STXBP5L: variants seen among roughly 807,000 people sequenced by gnomAD.
The protein encoded by STXBP5L is syntaxin binding protein 5L.
A neutral mutation model predicts 144.5 loss-of-function variants in STXBP5L; 65 were observed. The observed-to-expected ratio is 0.45, with a 90% CI of 0.37 to 0.55. The LOEUF (loss-of-function observed/expected upper bound fraction) is 0.55, where lower values mean the gene tolerates loss of function less well. Among genes scored for constraint, STXBP5L ranks in the 20% least tolerant of loss-of-function variants. STXBP5L has a pLI of 0.00. For missense variants in STXBP5L, 1,298 were observed against 1,405.5 expected, an observed-to-expected ratio of 0.92 and a Z score of 1.22; for synonymous variants, 505 against 469.6, an observed-to-expected ratio of 1.08 and a Z score of -0.97.
At position 121,391,687 on chromosome 3, in the gene STXBP5L, C is replaced by T. The variant is rs552050725; in HGVS notation, c.2587+10155C>T. On this transcript the variant is annotated intron_variant, in intron 22 of 26. Transcript: ENST00000471454. ...AGTTTGCTGGAGGCCCACTCCAGACCCTGTTTGCCTTGGTATCACCAGCAG... is the reference window on the plus strand; with the variant it reads ...AGTTTGCTGGAGGCCCACTCCAGACTCTGTTTGCCTTGGTATCACCAGCAG... Among the ~76,000 whole-genome samples the T allele has an allele frequency of 5.3e-4, 81 of 152,290 alleles. 1 individual carries two copies. The highest frequency in any genetic ancestry group is 1.9e-3 in the African/African-American group (78 of 41,556).
chr3:121,009,459 T>C (rs971825567), intron 3 of STXBP5L, among the ~76,000 whole-genome samples: 4 of 152,122 alleles, frequency 2.6e-5, no homozygotes, highest in South Asian at 2.1e-4. Context: ...GCTTGGATCC[T>C]TGCTCAGTGG....
intron 5 of STXBP5L, among the ~76,000 whole-genome samples, chr3:121,103,310 T>A (rs887014029): frequency 6.6e-6 from 1 of 152,084 alleles, no homozygotes; most frequent in Non-Finnish European, 1.5e-5. Context: ...TGACAGTGGA[T>A]TGGAGGAAGA....
chr3:121,298,853 T>A (rs182952985), intron 19 of STXBP5L, among the ~76,000 whole-genome samples: 1 of 152,228 alleles, frequency 6.6e-6, no homozygotes, highest in African/African-American at 2.4e-5. Context: ...AGTGTGAATA[T>A]GGTAAACAGT....
At chr3:120,970,812 T>G (rs1940161615) in intron 3 of STXBP5L, among the ~76,000 whole-genome samples, 1 of 152,142 alleles carries the variant, frequency 6.6e-6, no homozygotes, top group Non-Finnish European at 1.5e-5. Context: ...TTTTTTCCAT[T>G]CTAGGGGAAC....
Position 120,969,282 on chromosome 3 carries a change from C to T in STXBP5L, c.287+14245C>T, listed in dbSNP as rs1939962190. On this transcript the variant is annotated intron_variant, in intron 3 of 26. Coordinates refer to ENST00000471454, the MANE Select transcript of STXBP5L (RefSeq NM_001308330.2). ...CTCATCATGGTTTTAATTTGCATTT[C>T]CCTGATAATTAGTGATGTTGAGTGT... Among the ~76,000 whole-genome samples the T allele has an allele frequency of 2.0e-5, 3 of 151,626 alleles. No individual in the cohort carries two copies. The South Asian group carries it at 6.2e-4, about 31-fold the overall frequency.
intron 18 of STXBP5L, among the ~76,000 whole-genome samples, chr3:121,265,928 G>A (rs999893871): frequency 1.3e-5 from 2 of 152,030 alleles, no homozygotes; most frequent in Non-Finnish European, 2.9e-5. Flanking sequence ...ACTAAACCAG[G>A]AAAAAGTCAA....
At chr3:121,272,880 A>G (rs1191937489) in intron 18 of STXBP5L, among the ~76,000 whole-genome samples, 2 of 152,102 alleles carry the variant, frequency 1.3e-5, no homozygotes, top group Non-Finnish European at 2.9e-5. Flanking sequence ...AATTTCATTC[A>G]AAATCTCTAC....
intron 3 of STXBP5L, among the ~76,000 whole-genome samples, chr3:121,028,714 C>G (rs1367009538): frequency 6.6e-6 from 1 of 151,906 alleles, no homozygotes; most frequent in African/African-American, 2.4e-5. Context: ...GAAAACCTAC[C>G]AATAATTTAA....
intron 5 of STXBP5L, among the ~76,000 whole-genome samples, chr3:121,078,442 C>A (rs1427567388): frequency 2.4e-4 from 36 of 152,276 alleles, no homozygotes; most frequent in Non-Finnish European, 1.9e-4. Flanking sequence ...CAAGTTCCCA[C>A]CAGGCTGAGG....
At chr3:121,124,124 A>G (rs954784733) in intron 7 of STXBP5L, among the ~76,000 whole-genome samples, 1 of 151,866 alleles carries the variant, frequency 6.6e-6, no homozygotes, top group African/African-American at 2.4e-5. Context: ...CACCTCACTC[A>G]TATATCAAGT....
At chr3:121,214,611 G>C (rs1449272977) in intron 10 of STXBP5L, among the ~76,000 whole-genome samples, 1 of 152,140 alleles carries the variant, frequency 6.6e-6, no homozygotes, top group Admixed American at 6.6e-5. Flanking sequence ...GCTGGGGAAT[G>C]TTTTACTTCC....
chr3:121,247,441 A>T, intron 14 of STXBP5L, among the ~76,000 whole-genome samples: 1 of 152,204 alleles, frequency 6.6e-6, no homozygotes, highest in East Asian at 1.9e-4. Context: ...ATAATACCCA[A>T]TAGGTAGTTT....
At chr3:120,957,462 A>AT (rs1208251211) in intron 3 of STXBP5L, among the ~76,000 whole-genome samples, 14 of 151,886 alleles carry the variant, frequency 9.2e-5, no homozygotes, top group African/African-American at 3.4e-4. Flanking sequence ...TTTGTTGAGG[A>AT]TTTTTGCATC....
At chr3:121,170,213 T>C (rs1201673862) in intron 9 of STXBP5L, among the ~76,000 whole-genome samples, 1 of 152,184 alleles carries the variant, frequency 6.6e-6, no homozygotes, top group Non-Finnish European at 1.5e-5. Context: ...GAGGGAAATT[T>C]ATAGCACTAA....
chr3:121,087,054 A>G (rs1186225451), intron 5 of STXBP5L, among the ~76,000 whole-genome samples: 2 of 152,082 alleles, frequency 1.3e-5, no homozygotes, highest in African/African-American at 2.4e-5. Context: ...AATATTTTAT[A>G]TAACTTGAGT....
intron 2 of STXBP5L, among the ~76,000 whole-genome samples, chr3:120,946,855 G>A (rs545960746): frequency 6.6e-6 from 1 of 151,588 alleles, no homozygotes; most frequent in Admixed American, 6.6e-5. Flanking sequence ...TAGAGGGGAA[G>A]CAAAAGTCAT....
chr3:121,079,932 C>T (rs1423550770), intron 5 of STXBP5L, among the ~76,000 whole-genome samples: 2 of 152,030 alleles, frequency 1.3e-5, no homozygotes, highest in African/African-American at 4.8e-5. Context: ...TTGAAGTGCC[C>T]CACTATTATT....
At chr3:120,911,031 A>G (rs1708807101) in intron 2 of STXBP5L, among the ~76,000 whole-genome samples, 1 of 152,140 alleles carries the variant, frequency 6.6e-6, no homozygotes, top group South Asian at 2.1e-4. Context: ...CAGGGGAATT[A>G]TGCCCTGATT....
chr3:121,291,096 G>T (rs538872285), intron 19 of STXBP5L, among the ~76,000 whole-genome samples: 1 of 152,246 alleles, frequency 6.6e-6, no homozygotes, highest in South Asian at 2.1e-4. Flanking sequence ...AATCAGTAAA[G>T]AGGAAATCCA....
Sources: gnomAD v4.1 joint callset for allele counts (sites outside exome capture counted in the v4.1 genomes callset) on GRCh38, gnomAD v4.1.1 for gene constraint, MANE v1.5 for transcripts, NCBI Gene and HGNC (gene_info 2026-07-23, HGNC 2026-07-21) for gene names.